Variants in LINGO2 observed in about 807,000 individuals in gnomAD.
LINGO2 encodes leucine-rich repeat and immunoglobulin-like domain-containing nogo receptor-interacting protein 2.
A neutral mutation model predicts 30.6 loss-of-function variants in LINGO2; 14 were observed. The ratio of observed to expected loss-of-function variants is 0.46; its 90% CI spans 0.30 to 0.72. The LOEUF is 0.72. Among genes scored for constraint, LINGO2 ranks in the 30% least tolerant of loss-of-function variants. The pLI, the probability that LINGO2 is intolerant of heterozygous loss-of-function variation, is 0.07. For synonymous variants in LINGO2, 317 were observed against 288.5 expected, an observed-to-expected ratio of 1.10 and a Z score of -1.00; for missense variants, 729 against 751.7, an observed-to-expected ratio of 0.97 and a Z score of 0.35.
chr9:28,299,329 T>C (rs543720751), intron 3 of LINGO2, among the ~76,000 whole-genome samples: 30 of 152,180 alleles, frequency 2.0e-4, no homozygotes, highest in Non-Finnish European at 4.4e-4. Context: ...AGAGAGATTA[T>C]AAATAATCAA....
intron 3 of LINGO2, among the ~76,000 whole-genome samples, chr9:28,308,691 G>C (rs1824474932): frequency 6.7e-6 from 1 of 150,094 alleles, no homozygotes; most frequent in African/African-American, 2.5e-5. Flanking sequence ...ATCTGACAAA[G>C]GGCTAATATC....
At chr9:29,186,712 T>A in the LINGO2 span, among the ~76,000 whole-genome samples, 1 of 152,072 alleles carries the variant, frequency 6.6e-6, no homozygotes, top group Non-Finnish European at 1.5e-5. Flanking sequence ...TACTAAGGCA[T>A]ACTAGCTACA....
chr9:28,493,501 A>G (rs1826483212), intron 1 of LINGO2, among the ~76,000 whole-genome samples: 1 of 152,196 alleles, frequency 6.6e-6, no homozygotes, highest in Non-Finnish European at 1.5e-5. Flanking sequence ...CTCTCTACCC[A>G]TCTCTCCAAG....
chr9:29,054,085 G>A, the LINGO2 span, among the ~76,000 whole-genome samples: 4 of 151,892 alleles, frequency 2.6e-5, no homozygotes, highest in African/African-American at 7.3e-5. Flanking sequence ...ACATATGTAC[G>A]GACTATGGTT....
chr9:28,806,775 T>C, the LINGO2 span, among the ~76,000 whole-genome samples: 52,397 of 151,868 alleles, frequency 0.35, 10,725 homozygotes, highest in Non-Finnish European at 0.44. Context: ...TTTTACATAA[T>C]ACACTGGAGC....
the LINGO2 span, among the ~76,000 whole-genome samples, chr9:28,955,651 T>C: frequency 6.6e-6 from 1 of 152,138 alleles, no homozygotes; most frequent in African/African-American, 2.4e-5. Flanking sequence ...TTGTCACTTA[T>C]CAAATCTCAC....
intron 2 of LINGO2, among the ~76,000 whole-genome samples, chr9:28,439,265 G>GTATA (rs563512444): frequency 6.6e-6 from 1 of 150,520 alleles, no homozygotes; most frequent in African/African-American, 2.5e-5. Flanking sequence ...ATATGTATAT[G>GTATA]TATATATATG....
the LINGO2 span, among the ~76,000 whole-genome samples, chr9:28,861,506 G>C: frequency 1.0e-4 from 15 of 149,968 alleles, no homozygotes; most frequent in Admixed American, 8.8e-4. Context: ...GAGACCTCAG[G>C]TTCACTTTGA....
intron 4 of LINGO2, among the ~76,000 whole-genome samples, chr9:28,117,794 G>A (rs575115636): frequency 1.8e-4 from 27 of 151,078 alleles, no homozygotes; most frequent in East Asian, 7.9e-4. Flanking sequence ...ACACACACTG[G>A]CCTGCGCCCA....
chr9:28,735,284 C>T, the LINGO2 span, among the ~76,000 whole-genome samples: 1 of 152,120 alleles, frequency 6.6e-6, no homozygotes, highest in African/African-American at 2.4e-5. Context: ...AAGTCTAGCA[C>T]ATAGCCATTT....
At chr9:29,135,387 G>A in the LINGO2 span, among the ~76,000 whole-genome samples, 4 of 151,708 alleles carry the variant, frequency 2.6e-5, no homozygotes, top group East Asian at 1.9e-4. Context: ...GTGAAACCCC[G>A]TCTCTACTAA....
chr9:29,071,905 C>A, the LINGO2 span, among the ~76,000 whole-genome samples: 1 of 152,032 alleles, frequency 6.6e-6, no homozygotes, highest in African/African-American at 2.4e-5. Context: ...AGTTATGATT[C>A]TGATGAAAAT....
At chr9:28,080,474 A>G (rs1274074081) in intron 4 of LINGO2, 1 of 152,176 alleles carries the variant, frequency 6.6e-6, no homozygotes, top group African/African-American at 2.4e-5. Flanking sequence ...AGATTTTTAA[A>G]TGGTTGTTTT....
At chr9:28,142,226 TA>T (rs1827693995) in intron 4 of LINGO2, among the ~76,000 whole-genome samples, 1 of 150,440 alleles carries the variant, frequency 6.6e-6, no homozygotes. Context: ...GGTAAAGTAA[TA>T]AGGTGTTTCC....
At chr9:28,427,214 T>C (rs1191975769) in intron 2 of LINGO2, among the ~76,000 whole-genome samples, 1 of 152,002 alleles carries the variant, frequency 6.6e-6, no homozygotes, top group Non-Finnish European at 1.5e-5. Context: ...GAAGACATAG[T>C]CTAGAGGAGT....
At chr9:27,950,558 G>C in exon 6 of LINGO2, 4 of 1,556,584 alleles carry the variant, frequency 2.6e-6, no homozygotes, top group Non-Finnish European at 3.5e-6. Context: ...TAACAGATTT[G>C]TTCTGGGCAG....
the LINGO2 span, among the ~76,000 whole-genome samples, chr9:28,753,230 T>G: frequency 6.6e-6 from 1 of 152,068 alleles, no homozygotes; most frequent in Admixed American, 6.5e-5. Context: ...AATGTGTCCT[T>G]GATCTAGAGC....
intron 1 of LINGO2, among the ~76,000 whole-genome samples, chr9:28,664,532 G>A (rs2136021218): frequency 6.6e-6 from 1 of 152,160 alleles, no homozygotes; most frequent in Admixed American, 6.5e-5. Flanking sequence ...TTTGAGATAA[G>A]ATAAAAAGGA....
chr9:28,660,120 TAAAATA>T (rs2136006056), intron 1 of LINGO2, among the ~76,000 whole-genome samples: 1 of 152,232 alleles, frequency 6.6e-6, no homozygotes, highest in South Asian at 2.1e-4. Context: ...AAATTGCATG[TAAAATA>T]ATTGTAGTTA....
Sources: gnomAD v4.1 joint callset for allele counts (sites outside exome capture counted in the v4.1 genomes callset) on GRCh38, gnomAD v4.1.1 for gene constraint, MANE v1.5 for transcripts, NCBI Gene and HGNC (gene_info 2026-07-23, HGNC 2026-07-21) for gene names.